Variants in MRPL22 observed in about 807,000 individuals in gnomAD.
MRPL22 encodes the protein large ribosomal subunit protein uL22m.
Under a neutral mutation model 32.4 loss-of-function variants are expected in MRPL22, and 27 were observed. The ratio of observed to expected loss-of-function variants is 0.83; its 90% CI spans 0.61 to 1.15. MRPL22 has a LOEUF of 1.15. MRPL22 is among the 50% of genes most tolerant of loss of function. The pLI is 0.00. For missense variants in MRPL22, 239 were observed against 260.2 expected, an observed-to-expected ratio of 0.92 and a Z score of 0.56; for synonymous variants, 86 against 87.3, an observed-to-expected ratio of 0.99 and a Z score of 0.08.
chr5:154,944,353 C>T (rs1234601534), intron 2 of MRPL22, among the ~76,000 whole-genome samples: 3 of 152,158 alleles, frequency 2.0e-5, no homozygotes, highest in South Asian at 2.1e-4. Context: ...CTCAGGCTCC[C>T]GAGTCTCTGG....
At chr5:154,950,227 T>C (rs1003994546) in intron 2 of MRPL22, among the ~76,000 whole-genome samples, 1 of 152,044 alleles carries the variant, frequency 6.6e-6, no homozygotes, top group African/African-American at 2.4e-5. Flanking sequence ...GAGAACAGCA[T>C]GGGGGAAACT....
intron 2 of MRPL22, among the ~76,000 whole-genome samples, chr5:154,948,474 C>CT (rs1209768288): frequency 1.3e-5 from 2 of 151,958 alleles, no homozygotes; most frequent in East Asian, 3.9e-4. Flanking sequence ...GTAGCGTTTT[C>CT]TATACCTTGG....
chr5:154,961,399 C>T (rs536112726), intron 6 of MRPL22, among the ~76,000 whole-genome samples: 20 of 152,304 alleles, frequency 1.3e-4, no homozygotes, highest in Admixed American at 4.6e-4. Context: ...GTGATTCTTC[C>T]TGCTCTGTGA....
chr5:154,955,507 T>A (rs1764619436), intron 3 of MRPL22: 1 of 152,280 alleles, frequency 6.6e-6, no homozygotes, highest in Non-Finnish European at 1.5e-5. Context: ...AGGTGTATCA[T>A]ACTTCTCTGT....
At chr5:154,943,164 C>T (rs1010725229) in intron 2 of MRPL22, among the ~76,000 whole-genome samples, 9 of 151,274 alleles carry the variant, frequency 5.9e-5, no homozygotes, top group African/African-American at 1.9e-4. Flanking sequence ...TTTGGAGACA[C>T]GGTCTCGCTC....
chr5:154,964,563 G>A (rs1294295248), intron 6 of MRPL22, among the ~76,000 whole-genome samples: 1 of 152,156 alleles, frequency 6.6e-6, no homozygotes, highest in East Asian at 1.9e-4. Flanking sequence ...GTGTATTAAA[G>A]AATCTTAGGA....
chr5:154,952,278 T>C (rs1322081665), intron 3 of MRPL22, among the ~76,000 whole-genome samples: 2 of 152,174 alleles, frequency 1.3e-5, no homozygotes, highest in Admixed American at 6.5e-5. Context: ...TTGTTTAGTA[T>C]CTTTAGATAC....
rs376697810 is a variant in MRPL22, at chr5:154,950,864, A to G, written c.121A>G (p.Ile41Val). The G allele has an allele frequency of 6.2e-7, 1 of 1,613,802 alleles. No homozygotes were observed. The highest frequency in any genetic ancestry group is 8.5e-7 in the Non-Finnish European group (1 of 1,179,722). The part of the protein sequence containing the change: ...SYIHTSASLD[I>V]SRKWEKKNKI... ...TATCCACACAAGTGCTTCTCTTGAC[A>G]TTTCTCGAAAATGGGAGAAGAAGAA... Residue 41 changes from isoleucine to valine, a missense_variant, in exon 3 of 7, where the codon ATT (isoleucine) becomes GTT (valine). Coordinates refer to ENST00000523037, the MANE Select transcript of MRPL22 (RefSeq NM_014180.4).
chr5:154,954,937 G>A (rs1408465309), intron 3 of MRPL22, among the ~76,000 whole-genome samples: 1 of 151,816 alleles, frequency 6.6e-6, no homozygotes, highest in East Asian at 1.9e-4. Flanking sequence ...GACCACAGGC[G>A]CCGGCCACCA....
intron 2 of MRPL22, among the ~76,000 whole-genome samples, chr5:154,943,010 G>A (rs1246330674): frequency 6.6e-6 from 1 of 152,152 alleles, no homozygotes; most frequent in Non-Finnish European, 1.5e-5. Flanking sequence ...ACATAATTTT[G>A]TGAATCCTTA....
chr5:154,956,419 T>C lies in MRPL22; in HGVS notation c.244T>C (p.Trp82Arg), dbSNP rs1195369253. ...AATAAAATATAGCAAAGACAAGATGTGGTATTTGGCAAAATTGGTAAGCTG... is the reference window on the plus strand; with the variant it reads ...AATAAAATATAGCAAAGACAAGATGCGGTATTTGGCAAAATTGGTAAGCTG... ...RQIKYSKDKM[W>R]YLAKLIRGMS... The change falls in exon 4 of 7, where the codon TGG (tryptophan) becomes CGG (arginine). Residue 82 changes from tryptophan to arginine, a missense_variant. Physicochemically the swap from Trp to Arg is moderately radical, Grantham distance 101 (BLOSUM62 -3). Coordinates refer to ENST00000523037, the MANE Select transcript of MRPL22 (RefSeq NM_014180.4). 2 of 1,609,354 alleles carry C rather than the reference T, an allele frequency of 1.2e-6. No homozygotes were observed. Among genetic ancestry groups the C allele is most frequent in the Admixed American group, 3.3e-5 (2 of 59,826 alleles).
intron 3 of MRPL22, among the ~76,000 whole-genome samples, chr5:154,953,034 T>G (rs1377832689): frequency 6.6e-6 from 1 of 152,210 alleles, no homozygotes. Context: ...TAGATTCTTA[T>G]GTAGATTTTA....
At position 154,946,905 on chromosome 5, in the gene MRPL22, A is replaced by T. The variant is rs190940400; in HGVS notation, c.78-3916A>T. On this transcript the variant is annotated intron_variant, in intron 2 of 6. Coordinates refer to ENST00000523037, the MANE Select transcript of MRPL22 (RefSeq NM_014180.4). Reference sequence around the variant, plus strand: ...ACTCCTGGCCTCAAACAGTCCTCCTATCGTGGCCTCCCAAAGTGCTGGTAT... The same window carrying T: ...ACTCCTGGCCTCAAACAGTCCTCCTTTCGTGGCCTCCCAAAGTGCTGGTAT... 3.4e-3 allele frequency among the ~76,000 whole-genome samples: 524 copies of T among 152,256 alleles called. 3 individuals are homozygous for T. Among genetic ancestry groups the T allele is most frequent in the African/African-American group, 0.012 (508 of 41,562 alleles).
rs527924730 is a variant in MRPL22, at chr5:154,956,971, G to C, written c.262-164G>C. The stretch of plus-strand genomic sequence containing the variant: ...TTAAAATGTTTGTTTCATTTTGACT[G>C]AAAGAGAATAGTGTCTCCTCTCAAA... On this transcript the variant is annotated intron_variant, in intron 4 of 6. Transcript: ENST00000523037. 61 of 592,982 alleles carry C rather than the reference G, an allele frequency of 1.0e-4. 1 individual carries two copies. The South Asian group carries it at 1.4e-3, about 14-fold the overall frequency. 36.7% of individuals were successfully genotyped at this position (592,982 alleles called of 1,614,324 possible). A position where few individuals can be genotyped will look rare whatever the true frequency, so the allele number is the denominator to read the frequency against.
intron 6 of MRPL22, among the ~76,000 whole-genome samples, chr5:154,966,136 C>T (rs555983188): frequency 6.6e-6 from 1 of 152,334 alleles, no homozygotes; most frequent in South Asian, 2.1e-4. Flanking sequence ...TTGTGCTTCT[C>T]TTCCCCTTGC....
intron 3 of MRPL22, among the ~76,000 whole-genome samples, chr5:154,954,913 TC>T (rs1764611861): frequency 6.6e-6 from 1 of 151,902 alleles, no homozygotes; most frequent in Admixed American, 6.6e-5. Context: ...CGCCTCAGCC[TC>T]CCGGGTAGCT....
At chr5:154,951,281 T>C (rs906267475) in intron 3 of MRPL22, among the ~76,000 whole-genome samples, 4 of 152,194 alleles carry the variant, frequency 2.6e-5, no homozygotes, top group Non-Finnish European at 4.4e-5. Context: ...GTTTAAATTA[T>C]GTATATGATT....
chr5:154,958,699 C>G lies in MRPL22; in HGVS notation c.340-1281C>G, dbSNP rs140308662. On this transcript the variant is annotated intron_variant, in intron 5 of 6. Coordinates refer to ENST00000523037, the MANE Select transcript of MRPL22 (RefSeq NM_014180.4). Reference sequence around the variant, plus strand: ...AGCTGGGACTACAGATGTGTGCCACCACGTCCAGCTAATATTTTTGTATTT... The same window carrying G: ...AGCTGGGACTACAGATGTGTGCCACGACGTCCAGCTAATATTTTTGTATTT... 2.8e-3 allele frequency among the ~76,000 whole-genome samples: 430 copies of G among 152,006 alleles called. 2 individuals carry two copies. The highest frequency in any genetic ancestry group is 9.7e-3 in the African/African-American group (403 of 41,478).
rs1376227890 is a variant in MRPL22 at position 154,941,277 on chromosome 5, G to C, written c.77+12G>C. ...AAGCTGGCCTTGGGGTGAGTCTCTC[G>C]CTTCGGAGTTTCGGAAGGGCCCAAG... On this transcript the variant is annotated intron_variant, in intron 2 of 6. Coordinates refer to ENST00000523037, the MANE Select transcript of MRPL22 (RefSeq NM_014180.4). The C allele has an allele frequency of 1.2e-6, 2 of 1,612,586 alleles. No homozygotes were observed. The highest frequency in any genetic ancestry group is 2.2e-5 in the East Asian group (1 of 44,894).
Sources: allele counts gnomAD v4.1 joint callset (sites outside exome capture counted in the v4.1 genomes callset), GRCh38; gene constraint gnomAD v4.1.1; transcripts MANE v1.5; gene names NCBI Gene and HGNC (gene_info 2026-07-23, HGNC 2026-07-21).